SFXN1: variants seen among roughly 807,000 people sequenced by gnomAD.
SFXN1 encodes the protein sideroflexin-1.
Under a neutral mutation model 39.5 loss-of-function variants are expected in SFXN1, and 32 were observed. That is an observed-to-expected ratio of 0.81 (90% CI 0.61 to 1.09). The LOEUF is 1.09. Among genes scored for constraint, SFXN1 ranks in the 50% least tolerant of loss-of-function variants. The probability of loss-of-function intolerance (pLI) is 0.00; values close to 1 mark genes in which losing one functional copy is unlikely to be tolerated. For synonymous variants in SFXN1, 136 were observed against 146.5 expected (o/e 0.93, Z 0.52); for missense variants, 402 against 407.1 (o/e 0.99, Z 0.11).
chr5:175,519,574 T>C (rs1760815774), intron 8 of SFXN1, among the ~76,000 whole-genome samples: 1 of 152,156 alleles, frequency 6.6e-6, no homozygotes, highest in African/African-American at 2.4e-5. Context: ...AGATACTGTA[T>C]ATCGAGTCCT....
intron 7 of SFXN1, 43 bp from the exon 8 acceptor site, chr5:175,516,571 T>G: frequency 3.2e-6 from 5 of 1,543,484 alleles, no homozygotes; most frequent in Non-Finnish European, 4.4e-6. Context: ...AGCTGAAAAT[T>G]GGCATTAAAT....
At chr5:175,506,450 T>G (rs1760302097) in intron 2 of SFXN1, among the ~76,000 whole-genome samples, 1 of 152,252 alleles carries the variant, frequency 6.6e-6, no homozygotes, top group Non-Finnish European at 1.5e-5. Flanking sequence ...TTTAATGTTG[T>G]ACATAGCTTT....
intron 2 of SFXN1, among the ~76,000 whole-genome samples, chr5:175,500,637 T>C (rs1368371829): frequency 6.6e-6 from 1 of 152,138 alleles, no homozygotes; most frequent in Non-Finnish European, 1.5e-5. Flanking sequence ...TTCTAACGTT[T>C]ATGTGGAAAT....
At chr5:175,513,311 A>C (rs1760592388) in intron 6 of SFXN1, 152 bp from the exon 7 acceptor site, 2 of 729,002 alleles carry the variant, frequency 2.7e-6, no homozygotes, top group Admixed American at 3.4e-5. Context: ...AAAAAAAAAA[A>C]AAAAAAAAAA....
chr5:175,478,892 C>G lies in SFXN1; in HGVS notation c.-10+253C>G, dbSNP rs552795719. ...CTTCCAGCATCCCGAGGCCCAGCAT[C>G]CCGTGGGCCTCGTCCCCGGTGGGAA... On this transcript the variant is annotated intron_variant, in intron 1 of 10. Transcript: ENST00000321442. 1.8e-3 allele frequency among the ~76,000 whole-genome samples: 272 copies of G among 152,248 alleles called. 1 individual carries two copies. Among genetic ancestry groups the G allele is most frequent in the African/African-American group, 6.3e-3 (262 of 41,572 alleles).
intron 10 of SFXN1, among the ~76,000 whole-genome samples, chr5:175,524,652 A>T (rs1192662425): frequency 1.3e-5 from 2 of 151,956 alleles, no homozygotes; most frequent in African/African-American, 4.8e-5. Context: ...TAAACATCAG[A>T]AAAGAAGGAA....
chr5:175,497,462 AG>A (rs1373637331), intron 2 of SFXN1, among the ~76,000 whole-genome samples: 2 of 152,264 alleles, frequency 1.3e-5, no homozygotes, highest in African/African-American at 4.8e-5. Flanking sequence ...AGCAGGACAA[AG>A]GTAATTGCAA....
chr5:175,511,416 C>G, intron 4 of SFXN1, 35 bp from the exon 5 acceptor site: 1 of 1,556,588 alleles, frequency 6.4e-7, no homozygotes, highest in Non-Finnish European at 8.8e-7. Context: ...CTGACATGCC[C>G]TCGTCGTCCA....
intron 1 of SFXN1, among the ~76,000 whole-genome samples, chr5:175,482,497 T>C (rs1759289140): frequency 6.6e-6 from 1 of 152,252 alleles, no homozygotes. Context: ...TTTTCTTACA[T>C]GTTTCTGATG....
At chr5:175,486,736 C>G (rs1341746012) in intron 1 of SFXN1, among the ~76,000 whole-genome samples, 1 of 152,216 alleles carries the variant, frequency 6.6e-6, no homozygotes, top group Non-Finnish European at 1.5e-5. Context: ...TATGATTGCA[C>G]CACTGCACTC....
rs1176377325 is a variant in SFXN1, at chr5:175,529,129, G to C, written c.*2395G>C. The C allele has an allele frequency of 1.3e-5, 2 of 152,140 alleles. No individual in the cohort carries two copies. Among genetic ancestry groups the C allele is most frequent in the Non-Finnish European group, 2.9e-5 (2 of 68,052 alleles). 9.4% of individuals were successfully genotyped at this position (152,140 alleles called of 1,614,324 possible). ...AGGCGGGTGGATCACCTGAGGTCAGGAGTTTGAGACCAGCCTGGCCAACAT... is the reference window on the plus strand; with the variant it reads ...AGGCGGGTGGATCACCTGAGGTCAGCAGTTTGAGACCAGCCTGGCCAACAT... On this transcript the variant is annotated 3_prime_UTR_variant, in exon 11 of 11. Transcript: ENST00000321442.
At chr5:175,480,601 CTTA>C (rs1306152593) in intron 1 of SFXN1, among the ~76,000 whole-genome samples, 1 of 152,174 alleles carries the variant, frequency 6.6e-6, no homozygotes, top group Non-Finnish European at 1.5e-5. Context: ...TTTAGCTGTT[CTTA>C]ATTTTCTGTA....
intron 2 of SFXN1, among the ~76,000 whole-genome samples, chr5:175,493,814 C>T (rs559659733): frequency 2.0e-5 from 3 of 152,122 alleles, no homozygotes; most frequent in South Asian, 2.1e-4. Context: ...GAACAGAGGT[C>T]GGCAAACTTT....
Position 175,500,922 on chromosome 5 carries a change from A to G in SFXN1, c.165-8110A>G, listed in dbSNP as rs551203431. ...TTCTGGAAAAATTAGATTCTTGTAT[A>G]AAAAATGGATCTTGATGCTTAACTC... On this transcript the variant is annotated intron_variant, in intron 2 of 10. Coordinates refer to ENST00000321442, the MANE Select transcript of SFXN1 (RefSeq NM_022754.7). Among the ~76,000 whole-genome samples the G allele has an allele frequency of 2.4e-4, 36 of 152,286 alleles. 1 individual carries two copies. The South Asian group carries it at 5.2e-3, about 22-fold the overall frequency.
chr5:175,509,483 T>C (rs1473300582), intron 3 of SFXN1: 2 of 212,950 alleles, frequency 9.4e-6, no homozygotes, highest in Non-Finnish European at 1.8e-5. Flanking sequence ...TCACTTTTAG[T>C]TCCATTATGT....
At chr5:175,503,682 C>T (rs1760168645) in intron 2 of SFXN1, among the ~76,000 whole-genome samples, 1 of 152,132 alleles carries the variant, frequency 6.6e-6, no homozygotes, top group Admixed American at 6.5e-5. Context: ...AACACTAGAG[C>T]TGAACTTCCC....
chr5:175,520,474 A>G (rs1581326605), intron 8 of SFXN1, among the ~76,000 whole-genome samples: 1 of 152,122 alleles, frequency 6.6e-6, no homozygotes, highest in East Asian at 1.9e-4. Flanking sequence ...GGAAGAAGAC[A>G]TGGCATCAGG....
At chr5:175,519,283 TAGTG>T (rs1300852011) in intron 8 of SFXN1, among the ~76,000 whole-genome samples, 1 of 152,102 alleles carries the variant, frequency 6.6e-6, no homozygotes, top group Admixed American at 6.5e-5. Context: ...TGTGAGAAAA[TAGTG>T]AGGCAGTTTC....
chr5:175,500,403 A>ACACACAC (rs1760028294), intron 2 of SFXN1, among the ~76,000 whole-genome samples: 1 of 127,226 alleles, frequency 7.9e-6, no homozygotes. Context: ...CCTGTACACC[A>ACACACAC]ACACACACAC....
Sources: allele counts gnomAD v4.1 joint callset (sites outside exome capture counted in the v4.1 genomes callset), GRCh38; gene constraint gnomAD v4.1.1; transcripts MANE v1.5; gene names NCBI Gene and HGNC (gene_info 2026-07-23, HGNC 2026-07-21).